TGFB2: variants seen among roughly 807,000 people sequenced by gnomAD.
TGFB2 encodes transforming growth factor beta 2, also known as transforming growth factor beta-2 proprotein.
A neutral mutation model predicts 42.7 loss-of-function variants in TGFB2; 13 were observed. That is an observed-to-expected ratio of 0.30 (90% confidence interval 0.20 to 0.48). The LOEUF (loss-of-function observed/expected upper bound fraction) is 0.48, where lower values mean the gene tolerates loss of function less well. Ranked by LOEUF, TGFB2 falls within the 20% of genes least tolerant of loss-of-function variation. TGFB2 has a pLI of 0.99. For missense variants in TGFB2, 390 were observed against 517.5 expected (o/e 0.75, Z 2.39); for synonymous variants, 193 against 193.6 (o/e 1.00, Z 0.03).
At chr1:218,435,079 G>A (rs147170013) in intron 4 of TGFB2, among the ~76,000 whole-genome samples, 3 of 152,294 alleles carry the variant, frequency 2.0e-5, no homozygotes, top group East Asian at 3.9e-4. Context: ...GTCACTTCAT[G>A]TATTAGATGA....
intron 2 of TGFB2, among the ~76,000 whole-genome samples, 170 bp from the exon 3 acceptor site, chr1:218,433,912 C>T (rs1265919431): frequency 1.3e-5 from 2 of 152,110 alleles, no homozygotes; most frequent in Non-Finnish European, 2.9e-5. Context: ...GGCAAATAGC[C>T]TGGTGTTGTG....
chr1:218,404,586 A>C (rs1165289313), intron 1 of TGFB2, among the ~76,000 whole-genome samples: 1 of 152,238 alleles, frequency 6.6e-6, no homozygotes, highest in Middle Eastern at 3.2e-3. Flanking sequence ...ATAAGCTAGT[A>C]CGTGGGTTAT....
At chr1:218,388,811 C>T (rs1013883864) in intron 1 of TGFB2, among the ~76,000 whole-genome samples, 5 of 152,190 alleles carry the variant, frequency 3.3e-5, no homozygotes, top group African/African-American at 4.8e-5. Context: ...AGAAAAATCG[C>T]TCTTGTCAGA....
At position 218,347,164 on chromosome 1, in the gene TGFB2, G is replaced by A. The variant is rs11466368; in HGVS notation, c.346+117G>A. 41 of 897,772 alleles carry A rather than the reference G, an allele frequency of 4.6e-5. No individual in the cohort carries two copies. The East Asian group carries it at 1.1e-3, about 23-fold the overall frequency. 55.6% of individuals were successfully genotyped at this position (897,772 alleles called of 1,614,324 possible). ...CGCGGTTCCCGTTCGCTCTTTTCCCGTTCTCCTGTCCTTCACCCCACCACC... is the reference window on the plus strand; with the variant it reads ...CGCGGTTCCCGTTCGCTCTTTTCCCATTCTCCTGTCCTTCACCCCACCACC... On this transcript the variant is annotated intron_variant, in intron 1 of 6. Transcript: ENST00000366930.
chr1:218,359,737 T>C (rs1657151333), intron 1 of TGFB2, among the ~76,000 whole-genome samples: 2 of 152,130 alleles, frequency 1.3e-5, no homozygotes, highest in Non-Finnish European at 2.9e-5. Context: ...ACTTACAGAG[T>C]TGCTATATCA....
chr1:218,393,903 C>T (rs926724969), intron 1 of TGFB2, among the ~76,000 whole-genome samples: 28 of 150,684 alleles, frequency 1.9e-4, no homozygotes, highest in African/African-American at 6.3e-4. Flanking sequence ...CGTTAGGCAT[C>T]GGCCTCTTTT....
chr1:218,434,718 G>C (rs1659917151), intron 4 of TGFB2, among the ~76,000 whole-genome samples: 1 of 152,104 alleles, frequency 6.6e-6, no homozygotes. Flanking sequence ...AGTAAGTTAA[G>C]GCCTTTGTTC....
chr1:218,371,679 C>T (rs183043012), intron 1 of TGFB2, among the ~76,000 whole-genome samples: 13 of 152,340 alleles, frequency 8.5e-5, no homozygotes, highest in African/African-American at 2.9e-4. Context: ...TAGATTGTCA[C>T]TCTGGTCCTG....
At chr1:218,398,503 T>G (rs1172374426) in intron 1 of TGFB2, among the ~76,000 whole-genome samples, 1 of 152,222 alleles carries the variant, frequency 6.6e-6, no homozygotes, top group African/African-American at 2.4e-5. Context: ...TGAGTGACAT[T>G]GTAAGACCTT....
chr1:218,393,698 G>GA (rs895454367), intron 1 of TGFB2, among the ~76,000 whole-genome samples: 12 of 151,942 alleles, frequency 7.9e-5, no homozygotes, highest in African/African-American at 2.9e-4. Context: ...GAGAGAAAAA[G>GA]AAAAAAATAA....
intron 1 of TGFB2, among the ~76,000 whole-genome samples, chr1:218,392,137 G>A (rs1658334233): frequency 6.6e-6 from 1 of 152,150 alleles, no homozygotes; most frequent in African/African-American, 2.4e-5. Context: ...GGATCACAAG[G>A]TCAAGAGATC....
In TGFB2 at chr1:218,388,446, G is replaced by A. The variant is rs2799087; in HGVS notation, c.347-16723G>A. On this transcript the variant is annotated intron_variant, in intron 1 of 6. Transcript: ENST00000366930. The stretch of plus-strand genomic sequence containing the variant: ...GCTGATGCTCAGACAACATCTCTGA[G>A]TCTCCGCTGTGCCCACTGAGGTGGA... 2.5e-3 allele frequency among the ~76,000 whole-genome samples: 374 copies of A among 152,318 alleles called. 2 individuals are homozygous for A. The highest frequency in any genetic ancestry group is 8.5e-3 in the African/African-American group (353 of 41,554).
intron 2 of TGFB2, among the ~76,000 whole-genome samples, chr1:218,418,002 G>A (rs955302010): frequency 6.6e-6 from 1 of 152,240 alleles, no homozygotes; most frequent in African/African-American, 2.4e-5. Flanking sequence ...CCTCTGCTAG[G>A]GCAGTGCAGA....
At chr1:218,375,863 G>A (rs113097986) in intron 1 of TGFB2, among the ~76,000 whole-genome samples, 3,141 of 152,206 alleles carry the variant, frequency 0.021, 96 homozygotes, top group African/African-American at 0.07. Context: ...AACCACCATG[G>A]CACGTTTACC....
At chr1:218,378,737 G>A (rs1157363619) in intron 1 of TGFB2, among the ~76,000 whole-genome samples, 1 of 150,930 alleles carries the variant, frequency 6.6e-6, no homozygotes, top group Non-Finnish European at 1.5e-5. Flanking sequence ...CTCCTAGAGC[G>A]CTGGGATCAC....
chr1:218,368,910 G>A (rs1657477978), intron 1 of TGFB2, among the ~76,000 whole-genome samples: 1 of 152,094 alleles, frequency 6.6e-6, no homozygotes. Context: ...CTTTTCCTCT[G>A]ACTAAAACGG....
At chr1:218,352,812 C>T (rs1448849393) in intron 1 of TGFB2, among the ~76,000 whole-genome samples, 1 of 152,138 alleles carries the variant, frequency 6.6e-6, no homozygotes, top group Non-Finnish European at 1.5e-5. Context: ...GATGGATGGT[C>T]GAGTGCTCAC....
At position 218,443,347 on chromosome 1, in the gene TGFB2, C is replaced by T. The variant is rs1660217848; in HGVS notation, c.*1985C>T. ...AAGCAATGGAATATTTGCAGTTTCACCTAAAGAGCAGCATAAGGAGGCGGG... is the reference window on the plus strand; with the variant it reads ...AAGCAATGGAATATTTGCAGTTTCATCTAAAGAGCAGCATAAGGAGGCGGG... On this transcript the variant is annotated 3_prime_UTR_variant, in exon 7 of 7. Coordinates refer to ENST00000366930, the MANE Select transcript of TGFB2 (RefSeq NM_003238.6). 1 of 152,128 alleles carries T rather than the reference C, an allele frequency of 6.6e-6. No individual in the cohort carries two copies. The highest frequency in any genetic ancestry group is 2.1e-4 in the South Asian group (1 of 4,822). 9.4% of individuals were successfully genotyped at this position (152,128 alleles called of 1,614,324 possible).
At chr1:218,415,976 T>C (rs575571487) in intron 2 of TGFB2, among the ~76,000 whole-genome samples, 1 of 152,260 alleles carries the variant, frequency 6.6e-6, no homozygotes, top group East Asian at 1.9e-4. Context: ...CTAAAACCAC[T>C]CAACAGTGGT....
Sources: gnomAD v4.1 joint callset for allele counts (sites outside exome capture counted in the v4.1 genomes callset) on GRCh38, gnomAD v4.1.1 for gene constraint, MANE v1.5 for transcripts, NCBI Gene and HGNC (gene_info 2026-07-23, HGNC 2026-07-21) for gene names.